Variants in ACSM2B observed in about 807,000 individuals in gnomAD.
The protein encoded by ACSM2B is acyl-CoA synthetase medium chain family member 2B.
A neutral mutation model predicts 78.6 loss-of-function variants in ACSM2B; 58 were observed. That is an observed-to-expected ratio of 0.74 (90% CI 0.60 to 0.92). ACSM2B has a LOEUF of 0.92. ACSM2B is among the 40% of genes least tolerant of loss of function. The pLI, the probability that ACSM2B is intolerant of heterozygous loss-of-function variation, is 0.00. For missense variants in ACSM2B, 688 were observed against 711.2 expected, an observed-to-expected ratio of 0.97 and a Z score of 0.37; for synonymous variants, 257 against 256.8, an observed-to-expected ratio of 1.00 and a Z score of -0.01.
chr16:20,547,652 G>A, intron 8 of ACSM2B: 1 of 1,019,764 alleles, frequency 9.8e-7, no homozygotes, highest in Non-Finnish European at 1.2e-6. Flanking sequence ...TTCAGTCTAA[G>A]CAGCTTTGTA....
At chr16:20,551,042 G>A (rs1258901418) in intron 6 of ACSM2B, among the ~76,000 whole-genome samples, 2 of 152,056 alleles carry the variant, frequency 1.3e-5, no homozygotes, top group Admixed American at 6.6e-5. Context: ...TGCAACACAT[G>A]GACTAATCTC....
At position 20,553,882 on chromosome 16, in the gene ACSM2B, C is replaced by T. The variant is rs765513555; in HGVS notation, c.635G>A (p.Ser212Asn). ...GAAGTAGATGGCAGATGCTTCCTGG[C>T]TTCCAGTCTCCACACAGTGATGAGT... ...STTHHCVETGSQEASAIYFTS... is the reference protein window; with the variant it reads ...STTHHCVETGNQEASAIYFTS... Residue 212 changes from serine to asparagine, a missense_variant, in exon 5 of 14, where the codon AGC becomes AAC. Coordinates refer to ENST00000329697, the MANE Select transcript of ACSM2B (RefSeq NM_001105069.2). The T allele has an allele frequency of 6.2e-7, 1 of 1,613,848 alleles. No individual in the cohort carries two copies. The highest frequency in any genetic ancestry group is 8.5e-7 in the Non-Finnish European group (1 of 1,179,802).
At chr16:20,556,125 T>C (rs941161244) in intron 3 of ACSM2B, among the ~76,000 whole-genome samples, 1 of 152,066 alleles carries the variant, frequency 6.6e-6, no homozygotes, top group Non-Finnish European at 1.5e-5. Context: ...AGTTTTGCTC[T>C]TAATGATACT....
chr16:20,545,293 A>G (rs771517983), intron 9 of ACSM2B, 35 bp from the exon 10 acceptor site: 1 of 1,597,294 alleles, frequency 6.3e-7, no homozygotes, highest in Non-Finnish European at 8.6e-7. Context: ...AATGACGCAC[A>G]CAGCAGGAGA....
rs1424532654 is a variant in ACSM2B at position 20,551,364 on chromosome 16, G to A, written c.894+780C>T. Among the ~76,000 whole-genome samples, 8 of 152,228 alleles carry A rather than the reference G, an allele frequency of 5.3e-5. No individual in the cohort carries two copies. The South Asian group carries it at 1.2e-3, about 24-fold the overall frequency. On this transcript the variant is annotated intron_variant, in intron 6 of 13. Transcript: ENST00000329697. ...ATGGTATTTGGAGGTGGGGCTTTTA[G>A]GGGTAATTATGAAAGATAATGAAGC...
At chr16:20,565,538 T>C (rs112280300) in intron 1 of ACSM2B, among the ~76,000 whole-genome samples, 41 of 152,274 alleles carry the variant, frequency 2.7e-4, no homozygotes, top group African/African-American at 9.6e-4. Flanking sequence ...TTTGTTACTG[T>C]AGCAAATGTT....
At chr16:20,564,421 G>A (rs2015757634) in intron 2 of ACSM2B, among the ~76,000 whole-genome samples, 2 of 152,098 alleles carry the variant, frequency 1.3e-5, no homozygotes, top group African/African-American at 4.8e-5. Context: ...TACATACAGT[G>A]TAAACAAACT....
rs537391814 is a variant in ACSM2B at position 20,546,262 on chromosome 16, G to A, written c.1179+132C>T. On this transcript the variant is annotated intron_variant, in intron 9 of 13. Transcript: ENST00000329697. ...CTCTCCTTCCCCCTAACCTCCCTCC[G>A]TCCCTTTTTTCTGATATTATCTTAA... 1.7e-4 allele frequency: 230 copies of A among 1,382,540 alleles called. 1 individual carries two copies. Among genetic ancestry groups the A allele is most frequent in the East Asian group, 8.0e-4 (31 of 38,638 alleles). The allele number at this position is 1,382,540 out of a possible 1,614,324, so 85.6% of individuals were successfully genotyped here.
In ACSM2B at chr16:20,548,048, C is replaced by G. The variant is rs777437475; in HGVS notation, c.1098+14G>C. ...AAAGTGCACACAGCCCATGGTTCCC[C>G]TGGGAACAGGTACCGTTTCTGTCTG... On this transcript the variant is annotated intron_variant, in intron 8 of 13. Coordinates refer to ENST00000329697, the MANE Select transcript of ACSM2B (RefSeq NM_001105069.2). The G allele has an allele frequency of 1.9e-6, 3 of 1,613,852 alleles. No individual in the cohort carries two copies. Among genetic ancestry groups the G allele is most frequent in the Non-Finnish European group, 2.5e-6 (3 of 1,179,800 alleles).
rs954125266 is a variant in ACSM2B, at chr16:20,564,861, A to G, written c.-8-8T>C. 2.5e-6 allele frequency: 4 copies of G among 1,597,120 alleles called. No homozygotes were observed. Among genetic ancestry groups the G allele is most frequent in the African/African-American group, 2.7e-5 (2 of 74,366 alleles). On this transcript the variant is annotated splice_polypyrimidine_tract_variant and splice_region_variant and intron_variant, in intron 1 of 13. Coordinates refer to ENST00000329697, the MANE Select transcript of ACSM2B (RefSeq NM_001105069.2). ...GCCAATGCATGTTCAGGCCTGTAAAAGAAAGAAGAGACACAGGTAAGAGCT... is the reference window on the plus strand; with the variant it reads ...GCCAATGCATGTTCAGGCCTGTAAAGGAAAGAAGAGACACAGGTAAGAGCT...
intron 12 of ACSM2B, chr16:20,542,124 A>G (rs1327679881): frequency 6.6e-6 from 1 of 151,410 alleles, no homozygotes; most frequent in Non-Finnish European, 1.5e-5. Flanking sequence ...CCTCTCTTCT[A>G]GCTATTTTGA....
intron 1 of ACSM2B, among the ~76,000 whole-genome samples, chr16:20,567,914 T>C (rs2015978130): frequency 7.0e-6 from 1 of 143,272 alleles, no homozygotes; most frequent in Non-Finnish European, 1.5e-5. Context: ...TAGTATATAT[T>C]AAATATATAA....
intron 1 of ACSM2B, among the ~76,000 whole-genome samples, chr16:20,566,682 G>GTATATACTATATATAATATATACTA (rs2015871942): frequency 2.5e-3 from 10 of 4,016 alleles, no homozygotes; most frequent in African/African-American, 4.8e-3. Context: ...TATACATATA[G>GTATATACTATATATAATATATACTA]TATATACTAT....
At chr16:20,575,329 A>G (rs1162416665) in intron 1 of ACSM2B, 2 of 151,990 alleles carry the variant, frequency 1.3e-5, no homozygotes, top group African/African-American at 4.8e-5. Flanking sequence ...ATATAAGTAT[A>G]TATATGAGTT....
intron 1 of ACSM2B, among the ~76,000 whole-genome samples, chr16:20,573,338 T>C (rs1416532480): frequency 1.3e-5 from 2 of 150,562 alleles, no homozygotes; most frequent in Non-Finnish European, 3.0e-5. Context: ...TTATTTCTCA[T>C]TATCTTGCTT....
At position 20,542,915 on chromosome 16, in the gene ACSM2B, T is replaced by G; in HGVS notation, c.1508A>C (p.Glu503Ala). The G allele has an allele frequency of 6.2e-7, 1 of 1,613,470 alleles. No individual in the cohort carries two copies. Among genetic ancestry groups the G allele is most frequent in the Non-Finnish European group, 8.5e-7 (1 of 1,179,810 alleles). Residue 503 changes from glutamate (E) to alanine (A), a missense_variant and splice_region_variant, in exon 12 of 14, where the codon GAG (glutamate) becomes GCG (alanine). Physicochemically the swap from Glu to Ala is moderately radical, Grantham distance 107. Transcript: ENST00000329697. ...CCCAGGCTACTGCTTCCCCATCACC[T>G]CTCCTCGGACGGGGTCTGGGCTGCT... Reference protein sequence around the residue: ...VISSPDPVRGEVVKAFVILAS... With the variant: ...VISSPDPVRGAVVKAFVILAS...
At chr16:20,553,678 A>T (rs1438012493) in intron 5 of ACSM2B, 99 bp downstream of exon 5, 1 of 1,516,114 alleles carries the variant, frequency 6.6e-7, no homozygotes, top group Non-Finnish European at 8.8e-7. Flanking sequence ...TCTCAGAACC[A>T]CAAGGTGGTG....
chr16:20,537,216 G>C lies in ACSM2B; in HGVS notation c.*42C>G, dbSNP rs1189416579. ...GCCAAGGGCCCAAAGGGAAAAGAAA[G>C]AGAAAGAAGAGGGGAATCCAAATGA... On this transcript the variant is annotated 3_prime_UTR_variant, in exon 14 of 14. Transcript: ENST00000329697. 2 of 1,606,592 alleles carry C rather than the reference G, an allele frequency of 1.2e-6. No individual in the cohort carries two copies. Among genetic ancestry groups the C allele is most frequent in the South Asian group, 1.1e-5 (1 of 90,842 alleles).
intron 2 of ACSM2B, among the ~76,000 whole-genome samples, chr16:20,561,110 G>A (rs936730567): frequency 6.6e-6 from 1 of 152,074 alleles, no homozygotes; most frequent in Non-Finnish European, 1.5e-5. Flanking sequence ...CCTTAAAAAG[G>A]AAGGAAATTC....
Sources: gnomAD v4.1 joint callset for allele counts (sites outside exome capture counted in the v4.1 genomes callset) on GRCh38, gnomAD v4.1.1 for gene constraint, MANE v1.5 for transcripts, NCBI Gene and HGNC (gene_info 2026-07-23, HGNC 2026-07-21) for gene names.